LRBA: variants seen among roughly 807,000 people sequenced by gnomAD.
LRBA encodes the protein lipopolysaccharide-responsive and beige-like anchor protein.
In LRBA, 176 loss-of-function variants were observed where a neutral mutation model predicts 330.0. The observed-to-expected ratio is 0.53, with a 90% CI of 0.47 to 0.60. LRBA has a LOEUF of 0.60. Ranked by LOEUF, LRBA falls within the 20% of genes least tolerant of loss-of-function variation. LRBA has a pLI of 0.00. For synonymous variants in LRBA, 1,230 were observed against 1,193.0 expected, an observed-to-expected ratio of 1.03 and a Z score of -0.64; for missense variants, 3,259 against 3,444.8, an observed-to-expected ratio of 0.95 and a Z score of 1.35.
At position 150,474,691 on chromosome 4, in the gene LRBA, C is replaced by A. The variant is rs1430941102; in HGVS notation, c.6552-2952G>T. Among the ~76,000 whole-genome samples the A allele has an allele frequency of 2.0e-5, 3 of 152,228 alleles. No individual in the cohort carries two copies. In the East Asian group the frequency reaches 5.8e-4, roughly 29 times the overall value. ...AAAATGTTTTATACTTTTCATTGTA[C>A]AAATCTTACACTTCTGTGATCTGTA... On this transcript the variant is annotated intron_variant, in intron 42 of 56. Coordinates refer to ENST00000651943, the MANE Select transcript of LRBA (RefSeq NM_001364905.1).
intron 28 of LRBA, chr4:150,840,588 T>A (rs920840842): frequency 6.5e-6 from 1 of 153,112 alleles, no homozygotes; most frequent in African/African-American, 2.4e-5. Flanking sequence ...TAAATGGGTG[T>A]GGTTTGTGGT....
Position 150,904,937 on chromosome 4 carries a change from A to C in LRBA, c.1755+901T>G, listed in dbSNP as rs542113978. ...CAACTTAAACAATGATAAACACTGC[A>C]AGTGGGCCAAAAGGCAGAAGGGGAG... On this transcript the variant is annotated intron_variant, in intron 13 of 56. Coordinates refer to ENST00000651943, the MANE Select transcript of LRBA (RefSeq NM_001364905.1). 5.3e-5 allele frequency among the ~76,000 whole-genome samples: 8 copies of C among 152,270 alleles called. No individual in the cohort carries two copies. In the East Asian group the frequency reaches 1.2e-3, roughly 22 times the overall value.
At chr4:150,402,189 A>C (rs1745575824) in intron 47 of LRBA, among the ~76,000 whole-genome samples, 1 of 151,834 alleles carries the variant, frequency 6.6e-6, no homozygotes, top group South Asian at 2.1e-4. Flanking sequence ...ATAAGTTTGG[A>C]ATTATTTGGA....
intron 36 of LRBA, among the ~76,000 whole-genome samples, chr4:150,692,589 T>C: frequency 6.6e-6 from 1 of 152,104 alleles, no homozygotes; most frequent in Non-Finnish European, 1.5e-5. Context: ...TACCAAAAAA[T>C]AGGCTCATAT....
chr4:150,503,458 T>C (rs965781558), intron 40 of LRBA, among the ~76,000 whole-genome samples: 1 of 152,130 alleles, frequency 6.6e-6, no homozygotes, highest in Non-Finnish European at 1.5e-5. Flanking sequence ...GGAGTGGACT[T>C]CTACCAAACC....
chr4:150,583,595 TGC>T lies in LRBA; in HGVS notation c.6330+4451_6330+4452del. ...CCTCGCAGCGCGGCACAGTGGCCTA[TGC>T]CCCACATCCCTTGGCCCGGCCCCAA... On this transcript the variant is annotated intron_variant, in intron 40 of 56. Coordinates refer to ENST00000651943, the MANE Select transcript of LRBA (RefSeq NM_001364905.1). This position sits in a 1 kb window ranked among gnomAD's most constrained non-coding sequence, Gnocchi z 9.8. 1 of 1,613,976 alleles carries T rather than the reference TGC, an allele frequency of 6.2e-7. No homozygotes were observed. Among genetic ancestry groups the T allele is most frequent in the Non-Finnish European group, 8.5e-7 (1 of 1,179,992 alleles).
At chr4:150,377,037 G>A (rs1041114848) in intron 47 of LRBA, among the ~76,000 whole-genome samples, 3 of 151,348 alleles carry the variant, frequency 2.0e-5, no homozygotes, top group Non-Finnish European at 2.9e-5. Flanking sequence ...ACTCATGCCT[G>A]TAATCCTACT....
intron 46 of LRBA, among the ~76,000 whole-genome samples, chr4:150,429,378 G>C (rs1750068613): frequency 6.6e-6 from 1 of 152,084 alleles, no homozygotes; most frequent in African/African-American, 2.4e-5. Flanking sequence ...AGCTAGAACA[G>C]AGTGAACGGG....
chr4:150,703,838 A>C (rs539907594), intron 36 of LRBA, among the ~76,000 whole-genome samples: 4 of 152,160 alleles, frequency 2.6e-5, no homozygotes, highest in African/African-American at 9.6e-5. Context: ...TTAGATTCTC[A>C]AAGAGTCCAT....
intron 2 of LRBA, among the ~76,000 whole-genome samples, chr4:150,958,367 A>T (rs1234843171): frequency 2.7e-5 from 4 of 149,016 alleles, no homozygotes; most frequent in Admixed American, 6.6e-5. Flanking sequence ...TTTTAGCCAC[A>T]GCTGGGATGC....
At chr4:150,466,301 G>A (rs1192868067) in intron 44 of LRBA, among the ~76,000 whole-genome samples, 1 of 152,082 alleles carries the variant, frequency 6.6e-6, no homozygotes, top group Non-Finnish European at 1.5e-5. Context: ...CACTCTTAGA[G>A]TCCCTGAGCT....
At chr4:150,977,667 G>A (rs190332890) in intron 2 of LRBA, among the ~76,000 whole-genome samples, 1 of 152,326 alleles carries the variant, frequency 6.6e-6, no homozygotes, top group Non-Finnish European at 1.5e-5. Flanking sequence ...AAGAGAGCCT[G>A]CTGCCCAAAA....
intron 12 of LRBA, 51 bp downstream of exon 12, chr4:150,906,246 T>C: frequency 8.5e-7 from 1 of 1,171,598 alleles, no homozygotes; most frequent in Non-Finnish European, 1.3e-6. Flanking sequence ...AGAGAACAAA[T>C]GTATGGCCTG....
rs140497610 is a variant in LRBA at position 150,561,997 on chromosome 4, A to G, written c.6330+26051T>C. Among the ~76,000 whole-genome samples, 931 of 152,118 alleles carry G rather than the reference A, an allele frequency of 6.1e-3. 4 individuals carry two copies. The highest frequency in any genetic ancestry group is 9.6e-3 in the Non-Finnish European group (654 of 67,986). ...GATGTTCTATCTATTATCTATTACT[A>G]CCCTTCATCTACTGTGAATGGCTGT... On this transcript the variant is annotated intron_variant, in intron 40 of 56. Coordinates refer to ENST00000651943, the MANE Select transcript of LRBA (RefSeq NM_001364905.1).
At chr4:150,552,287 A>T (rs1245212761) in intron 40 of LRBA, among the ~76,000 whole-genome samples, 1 of 152,174 alleles carries the variant, frequency 6.6e-6, no homozygotes, top group Non-Finnish European at 1.5e-5. Flanking sequence ...TAAGAATATT[A>T]TACTTTTCAT....
At chr4:150,694,136 G>C (rs1376476418) in intron 36 of LRBA, among the ~76,000 whole-genome samples, 2 of 152,154 alleles carry the variant, frequency 1.3e-5, no homozygotes, top group Non-Finnish European at 1.5e-5. Flanking sequence ...TTCTACAGAG[G>C]TAGTCACTGT....
At chr4:150,781,216 C>A (rs1010332513) in intron 34 of LRBA, among the ~76,000 whole-genome samples, 6 of 152,124 alleles carry the variant, frequency 3.9e-5, no homozygotes, top group African/African-American at 1.2e-4. Context: ...TACTATGTAG[C>A]AAAATAATTA....
intron 44 of LRBA, among the ~76,000 whole-genome samples, chr4:150,448,731 G>A (rs940842072): frequency 7.3e-6 from 1 of 137,914 alleles, no homozygotes; most frequent in African/African-American, 2.7e-5. Flanking sequence ...GAACCCAGAA[G>A]GCAGAGGTTG....
intron 48 of LRBA, among the ~76,000 whole-genome samples, chr4:150,334,097 A>G (rs73858550): frequency 0.03 from 4,562 of 152,272 alleles, 230 homozygotes; most frequent in African/African-American, 0.1. Flanking sequence ...AATTCACAAA[A>G]TTAAAAAGTA....
Sources: gnomAD v4.1 joint callset for allele counts (sites outside exome capture counted in the v4.1 genomes callset) on GRCh38, gnomAD v4.1.1 for gene constraint, Gnocchi (gnomAD v3.1) non-coding constraint, MANE v1.5 for transcripts, NCBI Gene and HGNC (gene_info 2026-07-23, HGNC 2026-07-21) for gene names.